SOX6: variants seen among roughly 807,000 people sequenced by gnomAD.
SOX6 encodes transcription factor SOX-6.
A neutral mutation model predicts 97.8 loss-of-function variants in SOX6; 11 were observed. The observed-to-expected ratio is 0.11, with a 90% CI of 0.07 to 0.19. SOX6 has a LOEUF of 0.19. Ranked by LOEUF, SOX6 falls within the 10% of genes least tolerant of loss-of-function variation. The pLI, the probability that SOX6 is intolerant of heterozygous loss-of-function variation, is 1.00. For synonymous variants in SOX6, 360 were observed against 371.4 expected, an observed-to-expected ratio of 0.97 and a Z score of 0.35; for missense variants, 810 against 1,039.5, an observed-to-expected ratio of 0.78 and a Z score of 3.04.
At chr11:16,507,861 T>C (rs1168508634) in intron 4 of SOX6, among the ~76,000 whole-genome samples, 2 of 151,920 alleles carry the variant, frequency 1.3e-5, no homozygotes, top group East Asian at 3.9e-4. Flanking sequence ...GCAATGGAAA[T>C]GAAAACAAAA....
intron 1 of SOX6, among the ~76,000 whole-genome samples, chr11:16,348,827 C>T (rs1008099951): frequency 1.8e-4 from 28 of 152,132 alleles, no homozygotes; most frequent in Admixed American, 1.5e-3. Context: ...CAGAGAGTTA[C>T]GCTTCGTTTT....
intron 12 of SOX6, among the ~76,000 whole-genome samples, chr11:16,041,771 C>T (rs1302373625): frequency 6.6e-6 from 1 of 152,090 alleles, no homozygotes; most frequent in Non-Finnish European, 1.5e-5. Flanking sequence ...TAGCCAGATC[C>T]TAGCAGGTAG....
intron 1 of SOX6, among the ~76,000 whole-genome samples, chr11:16,361,576 C>G (rs1252794322): frequency 6.6e-6 from 1 of 152,144 alleles, no homozygotes; most frequent in Admixed American, 6.5e-5. Flanking sequence ...AACTTCCACT[C>G]AATACACCAA....
intron 15 of SOX6, among the ~76,000 whole-genome samples, chr11:15,975,319 T>TA (rs1486617492): frequency 6.6e-6 from 1 of 152,212 alleles, no homozygotes; most frequent in African/African-American, 2.4e-5. Context: ...AATGCCTCAT[T>TA]GGTTTTTTTA....
chr11:16,145,185 G>T (rs1247827597), intron 6 of SOX6, among the ~76,000 whole-genome samples: 1 of 152,150 alleles, frequency 6.6e-6, no homozygotes, highest in Non-Finnish European at 1.5e-5. Flanking sequence ...GGGATGCAAG[G>T]CTGGTTCAAC....
chr11:16,161,315 G>GAT (rs58290065), intron 6 of SOX6, among the ~76,000 whole-genome samples: 6,809 of 143,742 alleles, frequency 0.047, 452 homozygotes, highest in African/African-American at 0.16. Flanking sequence ...CAATGAATTT[G>GAT]ATATATATAT....
At position 16,348,059 on chromosome 11, in the gene SOX6, G is replaced by A. The variant is rs569767800; in HGVS notation, c.-4-6807C>T. Among the ~76,000 whole-genome samples the A allele has an allele frequency of 2.0e-5, 3 of 151,792 alleles. 1 individual carries two copies. The highest frequency in any genetic ancestry group is 4.2e-4 in the South Asian group (2 of 4,814). ...GAGTAGAAAGGGAGGGGAAGAGGAG[G>A]GGAAAAGGGGAGAAGGTAAAAGGGG... On this transcript the variant is annotated intron_variant, in intron 1 of 15. Coordinates refer to ENST00000683767, the MANE Select transcript of SOX6 (RefSeq NM_001367873.1).
At chr11:16,736,660 C>G (rs1024155645) in intron 1 of SOX6, among the ~76,000 whole-genome samples, 3 of 152,150 alleles carry the variant, frequency 2.0e-5, no homozygotes, top group Admixed American at 6.5e-5. Flanking sequence ...GCTAATAGTT[C>G]TAAATCACCA....
At chr11:16,465,443 T>C (rs1267179217) in intron 1 of SOX6, among the ~76,000 whole-genome samples, 1 of 152,082 alleles carries the variant, frequency 6.6e-6, no homozygotes, top group Non-Finnish European at 1.5e-5. Flanking sequence ...GATTCTACTA[T>C]ATATATATAA....
chr11:16,095,867 A>G, intron 9 of SOX6, 129 bp downstream of exon 9: 1 of 1,137,632 alleles, frequency 8.8e-7, no homozygotes, highest in South Asian at 1.4e-5. Flanking sequence ...AGGAATGAGA[A>G]AAAGGGAAAG....
chr11:15,978,973 T>C (rs1853581380), intron 15 of SOX6, among the ~76,000 whole-genome samples: 2 of 126,044 alleles, frequency 1.6e-5, no homozygotes, highest in South Asian at 2.4e-4. Context: ...TTTATATATA[T>C]GAGCATATAT....
intron 1 of SOX6, among the ~76,000 whole-genome samples, chr11:16,343,496 G>A (rs1361048779): frequency 6.6e-6 from 1 of 151,826 alleles, no homozygotes; most frequent in Non-Finnish European, 1.5e-5. Flanking sequence ...ACTATAAACT[G>A]CACCAGTGAA....
chr11:16,146,581 G>A (rs1398290332), intron 6 of SOX6, among the ~76,000 whole-genome samples: 1 of 151,896 alleles, frequency 6.6e-6, no homozygotes, highest in Non-Finnish European at 1.5e-5. Context: ...CAGAATGGGA[G>A]AAAATTTTTG....
chr11:16,574,052 T>C (rs528765234), intron 4 of SOX6, among the ~76,000 whole-genome samples: 2 of 152,192 alleles, frequency 1.3e-5, no homozygotes, highest in African/African-American at 4.8e-5. Context: ...CAAAGTATCA[T>C]TTCCATAAAA....
intron 9 of SOX6, among the ~76,000 whole-genome samples, chr11:16,091,701 T>C (rs1317915609): frequency 6.6e-6 from 1 of 152,080 alleles, no homozygotes; most frequent in Non-Finnish European, 1.5e-5. Flanking sequence ...GAATAACGTA[T>C]GGTTGACAGG....
chr11:16,164,027 C>T (rs1037129909), intron 6 of SOX6, among the ~76,000 whole-genome samples: 2 of 152,166 alleles, frequency 1.3e-5, no homozygotes, highest in East Asian at 3.9e-4. Context: ...CGCTCTGTCA[C>T]CCAGTTTGGA....
At chr11:16,021,913 C>T (rs1052256356) in intron 12 of SOX6, among the ~76,000 whole-genome samples, 1 of 152,010 alleles carries the variant, frequency 6.6e-6, no homozygotes, top group African/African-American at 2.4e-5. Context: ...AGAGAAAATA[C>T]TATTGTTATC....
chr11:16,522,330 A>G (rs1389014826), intron 4 of SOX6, among the ~76,000 whole-genome samples: 1 of 152,322 alleles, frequency 6.6e-6, no homozygotes, highest in East Asian at 1.9e-4. Context: ...AATATTCAAT[A>G]TTCTTAAAGA....
intron 1 of SOX6, among the ~76,000 whole-genome samples, chr11:16,342,326 T>C (rs1014027855): frequency 1.3e-5 from 2 of 152,002 alleles, no homozygotes; most frequent in Admixed American, 6.6e-5. Flanking sequence ...AAACTTTACA[T>C]TGTTTTTAGT....
Sources: gnomAD v4.1 joint callset for allele counts (sites outside exome capture counted in the v4.1 genomes callset) on GRCh38, gnomAD v4.1.1 for gene constraint, MANE v1.5 for transcripts, NCBI Gene and HGNC (gene_info 2026-07-23, HGNC 2026-07-21) for gene names.